GPC6: variants seen among roughly 807,000 people sequenced by gnomAD.
GPC6 encodes the protein glypican-6.
A neutral mutation model predicts 55.2 loss-of-function variants in GPC6; 14 were observed. That is an observed-to-expected ratio of 0.25 (90% CI 0.17 to 0.40). The LOEUF is 0.40. Ranked by LOEUF, GPC6 falls within the 10% of genes least tolerant of loss-of-function variation. The pLI is 1.00. For synonymous variants in GPC6, 278 were observed against 259.6 expected (o/e 1.07, Z -0.68); for missense variants, 641 against 708.5 (o/e 0.90, Z 1.08).
chr13:93,418,231 A>T lies in GPC6; in HGVS notation c.161-127032A>T, dbSNP rs9561343. On this transcript the variant is annotated intron_variant, in intron 1 of 8. Coordinates refer to ENST00000377047, the MANE Select transcript of GPC6 (RefSeq NM_005708.5). ...GCATATAATGCATAATAATCACATC[A>T]TGATAAATGGAATAAATAACCCCTC... is the stretch of plus-strand genomic sequence containing the variant. Among the ~76,000 whole-genome samples the T allele has an allele frequency of 0.016, 2,368 of 151,954 alleles. 219 individuals are homozygous for T. In the East Asian group the frequency reaches 0.28, roughly 18 times the overall value.
At chr13:93,833,112 AGAGAGAGAGAG>A (rs1887588476) in intron 3 of GPC6, among the ~76,000 whole-genome samples, 1 of 31,298 alleles carries the variant, frequency 3.2e-5, no homozygotes, top group Non-Finnish European at 4.8e-5. Flanking sequence ...GATGATAGAG[AGAGAGAGAGAG>A]AGAGAGAGAG....
At chr13:93,786,498 C>G (rs532497370) in intron 2 of GPC6, among the ~76,000 whole-genome samples, 2 of 151,898 alleles carry the variant, frequency 1.3e-5, no homozygotes, top group South Asian at 4.2e-4. Context: ...TTCTCTTCCA[C>G]TTTGTGCTAA....
intron 1 of GPC6, among the ~76,000 whole-genome samples, chr13:93,515,003 G>A (rs1221195638): frequency 6.6e-6 from 1 of 152,132 alleles, no homozygotes; most frequent in African/African-American, 2.4e-5. Context: ...TTTAGAGAGG[G>A]GGCCTTTGTG....
Position 93,278,201 on chromosome 13 carries a change from G to T in GPC6, c.160+50585G>T, listed in dbSNP as rs146398977. On this transcript the variant is annotated intron_variant, in intron 1 of 8. Transcript: ENST00000377047. ...AAATACCTAGTTCCAGATAGAAAGT[G>T]CCACAGTGATTCAGTTTCATTGTGT... Among the ~76,000 whole-genome samples, 1,174 of 152,272 alleles carry T rather than the reference G, an allele frequency of 7.7e-3. 15 individuals are homozygous for T. Among genetic ancestry groups the T allele is most frequent in the African/African-American group, 0.027 (1,109 of 41,566 alleles).
chr13:94,078,053 C>A (rs1176152493), intron 4 of GPC6, among the ~76,000 whole-genome samples: 2 of 151,820 alleles, frequency 1.3e-5, no homozygotes, highest in South Asian at 2.1e-4. Flanking sequence ...AGATTGAAAT[C>A]ATGTCAAGTA....
chr13:94,189,601 AT>A (rs2138959988), intron 4 of GPC6, among the ~76,000 whole-genome samples: 1 of 152,360 alleles, frequency 6.6e-6, no homozygotes, highest in African/African-American at 2.4e-5. Context: ...CAATCCACAC[AT>A]TCCTTGCAAT....
intron 1 of GPC6, among the ~76,000 whole-genome samples, chr13:93,476,379 C>T (rs547069101): frequency 2.0e-5 from 3 of 152,218 alleles, no homozygotes; most frequent in South Asian, 4.1e-4. Flanking sequence ...CTCTTGACTT[C>T]TCTCCAGTCT....
intron 4 of GPC6, among the ~76,000 whole-genome samples, chr13:94,167,142 T>C (rs970059612): frequency 1.3e-5 from 2 of 152,206 alleles, no homozygotes; most frequent in African/African-American, 4.8e-5. Flanking sequence ...AATAATGTTA[T>C]GGAAGTTTGA....
chr13:93,784,083 G>A (rs999046486), intron 2 of GPC6, among the ~76,000 whole-genome samples: 2 of 152,060 alleles, frequency 1.3e-5, no homozygotes, highest in African/African-American at 4.8e-5. Context: ...CTATGCCTAA[G>A]GTACTGCTAT....
chr13:94,080,003 G>A (rs2138794736), intron 4 of GPC6, among the ~76,000 whole-genome samples: 1 of 152,234 alleles, frequency 6.6e-6, no homozygotes, highest in East Asian at 1.9e-4. Context: ...TGAGTCATAA[G>A]AAATGCCATA....
chr13:93,676,120 AAAAAAAATATAT>A (rs1490521576), intron 2 of GPC6, among the ~76,000 whole-genome samples: 1 of 13,290 alleles, frequency 7.5e-5, no homozygotes, highest in Non-Finnish European at 2.2e-4. Flanking sequence ...AAAAAAAAAA[AAAAAAAATATAT>A]ATATATATAT....
chr13:93,817,881 GA>G (rs1886911231), intron 2 of GPC6, among the ~76,000 whole-genome samples: 1 of 148,936 alleles, frequency 6.7e-6, no homozygotes, highest in Non-Finnish European at 1.5e-5. Context: ...TAGATAGATA[GA>G]TAGATAGATA....
chr13:93,717,524 A>G (rs1435718414), intron 2 of GPC6, among the ~76,000 whole-genome samples: 1 of 151,694 alleles, frequency 6.6e-6, no homozygotes, highest in Admixed American at 6.6e-5. Flanking sequence ...GGCATCATCT[A>G]TTAAATATAT....
chr13:94,313,852 C>T (rs1321429809), intron 6 of GPC6, among the ~76,000 whole-genome samples: 3 of 152,112 alleles, frequency 2.0e-5, no homozygotes, highest in East Asian at 3.9e-4. Context: ...ACTTTCAGAG[C>T]CAAAATAGGG....
chr13:93,911,016 C>T (rs1438477241), intron 3 of GPC6, among the ~76,000 whole-genome samples: 1 of 152,152 alleles, frequency 6.6e-6, no homozygotes, highest in Non-Finnish European at 1.5e-5. Context: ...AATCAGAATC[C>T]AATATTGTCT....
At chr13:94,027,479 G>C (rs1382306164) in intron 3 of GPC6, among the ~76,000 whole-genome samples, 4 of 151,864 alleles carry the variant, frequency 2.6e-5, no homozygotes, top group Admixed American at 6.6e-5. Context: ...CATCTTCTAT[G>C]GCAATGAAAC....
chr13:94,066,459 C>G (rs79869567), intron 4 of GPC6, among the ~76,000 whole-genome samples: 4,958 of 152,220 alleles, frequency 0.033, 234 homozygotes, highest in African/African-American at 0.094. Flanking sequence ...TTTTTCCCCA[C>G]TACAGAAGAT....
chr13:94,372,114 T>C (rs1879575113), intron 6 of GPC6, among the ~76,000 whole-genome samples: 1 of 152,086 alleles, frequency 6.6e-6, no homozygotes, highest in Admixed American at 6.5e-5. Flanking sequence ...GTTTCTTTCT[T>C]GCTTGCTTAC....
At chr13:94,355,153 A>G (rs1424063065) in intron 6 of GPC6, among the ~76,000 whole-genome samples, 2 of 151,892 alleles carry the variant, frequency 1.3e-5, no homozygotes, top group Non-Finnish European at 2.9e-5. Context: ...CCCCCCAAGT[A>G]GCTGGGATTA....
Sources: allele counts gnomAD v4.1 joint callset (sites outside exome capture counted in the v4.1 genomes callset), GRCh38; gene constraint gnomAD v4.1.1; transcripts MANE v1.5; gene names NCBI Gene and HGNC (gene_info 2026-07-23, HGNC 2026-07-21).